AFAP1L1: variants seen among roughly 807,000 people sequenced by gnomAD.
AFAP1L1 encodes actin filament associated protein 1 like 1.
A neutral mutation model predicts 99.8 loss-of-function variants in AFAP1L1; 77 were observed. That is an observed-to-expected ratio of 0.77 (90% CI 0.64 to 0.93). The LOEUF is 0.93. Among genes scored for constraint, AFAP1L1 ranks in the 40% least tolerant of loss-of-function variants. The pLI is 0.00. For missense variants in AFAP1L1, 893 were observed against 996.8 expected, an observed-to-expected ratio of 0.90 and a Z score of 1.40; for synonymous variants, 373 against 395.3, an observed-to-expected ratio of 0.94 and a Z score of 0.67.
chr5:149,314,810 C>T (rs1756748201), intron 9 of AFAP1L1, among the ~76,000 whole-genome samples: 1 of 152,204 alleles, frequency 6.6e-6, no homozygotes, highest in African/African-American at 2.4e-5. Context: ...GGCTTTGGGG[C>T]CTCAGAGCTC....
rs1375971263 is a variant in AFAP1L1 at position 149,301,856 on chromosome 5, C to CT, written c.328-562_328-561insT. ...CACTAGCAACTTACTATGTCCTTTA[C>CT]ATGCTGACAGCAACTGAATGAGGCT... On this transcript the variant is annotated intron_variant, in intron 4 of 18. Coordinates refer to ENST00000296721, the MANE Select transcript of AFAP1L1 (RefSeq NM_152406.4). 2.0e-5 allele frequency among the ~76,000 whole-genome samples: 3 copies of CT among 152,394 alleles called. No individual in the cohort carries two copies. The East Asian group carries it at 5.8e-4, about 29-fold the overall frequency.
At chr5:149,278,068 C>T (rs932179791) in intron 1 of AFAP1L1, among the ~76,000 whole-genome samples, 3 of 152,182 alleles carry the variant, frequency 2.0e-5, no homozygotes, top group African/African-American at 7.2e-5. Context: ...CACCCTCTGC[C>T]AAGAACATAT....
chr5:149,278,146 C>T (rs148914358), intron 1 of AFAP1L1, among the ~76,000 whole-genome samples: 182 of 152,316 alleles, frequency 1.2e-3, no homozygotes, highest in Middle Eastern at 3.4e-3. Flanking sequence ...GCTTCTCATA[C>T]CCTTCTTAAT....
At chr5:149,283,303 G>A (rs925555377) in intron 1 of AFAP1L1, among the ~76,000 whole-genome samples, 1 of 152,198 alleles carries the variant, frequency 6.6e-6, no homozygotes, top group African/African-American at 2.4e-5. Context: ...CGGGTGACCA[G>A]GAAGTGTCCT....
intron 1 of AFAP1L1, among the ~76,000 whole-genome samples, chr5:149,281,208 C>T (rs1480441650): frequency 6.6e-6 from 1 of 152,118 alleles, no homozygotes; most frequent in Non-Finnish European, 1.5e-5. Flanking sequence ...AGAGAATTGA[C>T]CCACTAAATT....
In AFAP1L1 at chr5:149,307,744, C is replaced by T. The variant is rs140474711; in HGVS notation, c.747+131C>T. Reference sequence around the variant, plus strand: ...CTGTGTGCACAGAAGCTCAAAGGCCCCATGCTCCCAAGATCAGGACTTTCC... The same window carrying T: ...CTGTGTGCACAGAAGCTCAAAGGCCTCATGCTCCCAAGATCAGGACTTTCC... On this transcript the variant is annotated intron_variant, in intron 7 of 18. Coordinates refer to ENST00000296721, the MANE Select transcript of AFAP1L1 (RefSeq NM_152406.4). The T allele has an allele frequency of 1.7e-4, 155 of 890,620 alleles. No homozygotes were observed. In the African/African-American group the frequency reaches 2.3e-3, roughly 13 times the overall value. The allele number at this position is 890,620 out of a possible 1,614,324, so 55.2% of individuals were successfully genotyped here.
chr5:149,311,630 C>G (rs1210749131), intron 8 of AFAP1L1, among the ~76,000 whole-genome samples: 4 of 152,118 alleles, frequency 2.6e-5, no homozygotes. Context: ...TGAGCGGATG[C>G]CTTTAGGAGA....
chr5:149,312,393 G>A (rs1396491939), intron 9 of AFAP1L1, 189 bp downstream of exon 9: 8 of 661,944 alleles, frequency 1.2e-5, no homozygotes, highest in Non-Finnish European at 1.6e-5. Context: ...ATGAACAAAC[G>A]AGTGCTTATG....
chr5:149,274,612 C>T (rs915158674), intron 1 of AFAP1L1, among the ~76,000 whole-genome samples: 13 of 152,230 alleles, frequency 8.5e-5, no homozygotes, highest in African/African-American at 2.7e-4. Context: ...GGCACAGTGG[C>T]TCACGCCCAT....
At chr5:149,286,543 C>T (rs543403244) in intron 1 of AFAP1L1, among the ~76,000 whole-genome samples, 1 of 152,340 alleles carries the variant, frequency 6.6e-6, no homozygotes, top group African/African-American at 2.4e-5. Flanking sequence ...GAGTTTTCTG[C>T]AAGCCGATTG....
chr5:149,326,341 C>T (rs1757095004), intron 15 of AFAP1L1, among the ~76,000 whole-genome samples: 1 of 152,062 alleles, frequency 6.6e-6, no homozygotes, highest in Admixed American at 6.6e-5. Flanking sequence ...GAGTTCAAGA[C>T]AAGCCTAGCC....
intron 1 of AFAP1L1, among the ~76,000 whole-genome samples, chr5:149,294,171 GAA>G (rs1755949829): frequency 6.6e-6 from 1 of 152,134 alleles, no homozygotes; most frequent in Non-Finnish European, 1.5e-5. Context: ...GCCCCCATCA[GAA>G]TCACTTGGAG....
chr5:149,303,565 A>G (rs1009093740), intron 5 of AFAP1L1, among the ~76,000 whole-genome samples: 3 of 152,244 alleles, frequency 2.0e-5, no homozygotes, highest in Admixed American at 1.3e-4. Flanking sequence ...AAAATAATCA[A>G]ATTTCTAAAA....
At chr5:149,326,673 C>T (rs970931504) in intron 15 of AFAP1L1, among the ~76,000 whole-genome samples, 1 of 151,844 alleles carries the variant, frequency 6.6e-6, no homozygotes, top group East Asian at 1.9e-4. Context: ...TGTAAAGGGG[C>T]TGAATTTAAT....
In AFAP1L1 at chr5:149,317,883, C is replaced by T; in HGVS notation, c.1422C>T (p.Pro474=). Residue 474 remains proline (P), a synonymous_variant, in exon 12 of 19, where the codon CCC becomes CCT. Coordinates refer to ENST00000296721, the MANE Select transcript of AFAP1L1 (RefSeq NM_152406.4). The part of the protein sequence containing the change: ...QGCEVAPGFG[P]RHPFAFRILR... ...GTGAGGTGGCCCCGGGCTTTGGGCC[C>T]CGACACCCATTTGCCTTCAGGATCC... 6.3e-7 allele frequency: 1 copy of T among 1,599,520 alleles called. No individual in the cohort carries two copies. Among genetic ancestry groups the T allele is most frequent in the African/African-American group, 1.3e-5 (1 of 74,746 alleles).
At chr5:149,288,008 C>T (rs1755737958) in intron 1 of AFAP1L1, among the ~76,000 whole-genome samples, 1 of 152,168 alleles carries the variant, frequency 6.6e-6, no homozygotes, top group African/African-American at 2.4e-5. Flanking sequence ...CATCCACATA[C>T]CCCTAGTCAG....
At chr5:149,327,131 T>G (rs1581339100) in intron 15 of AFAP1L1, among the ~76,000 whole-genome samples, 1 of 136,356 alleles carries the variant, frequency 7.3e-6, no homozygotes, top group Admixed American at 7.0e-5. Flanking sequence ...AGGGCCCAAA[T>G]GTAGAATTTA....
intron 5 of AFAP1L1, among the ~76,000 whole-genome samples, chr5:149,304,853 TG>T: frequency 6.6e-6 from 1 of 152,330 alleles, no homozygotes; most frequent in South Asian, 2.1e-4. Flanking sequence ...ATGTCAGTGC[TG>T]CCGTCTTCAG....
chr5:149,277,616 C>G (rs190486848), intron 1 of AFAP1L1, among the ~76,000 whole-genome samples: 1 of 152,218 alleles, frequency 6.6e-6, no homozygotes, highest in Non-Finnish European at 1.5e-5. Flanking sequence ...ATATTCGAAT[C>G]ATCTTTTTGA....
Sources: gnomAD v4.1 joint callset for allele counts (sites outside exome capture counted in the v4.1 genomes callset) on GRCh38, gnomAD v4.1.1 for gene constraint, MANE v1.5 for transcripts, NCBI Gene and HGNC (gene_info 2026-07-23, HGNC 2026-07-21) for gene names.